Variants in PCLO observed in about 807,000 individuals in gnomAD.
PCLO encodes piccolo presynaptic cytomatrix protein.
Under a neutral mutation model 427.5 loss-of-function variants are expected in PCLO, and 82 were observed. The ratio of observed to expected loss-of-function variants is 0.19; its 90% CI spans 0.16 to 0.23. The LOEUF (loss-of-function observed/expected upper bound fraction) is 0.23. PCLO is among the 10% of genes least tolerant of loss of function. The probability of loss-of-function intolerance (pLI) is 1.00; values close to 1 mark genes in which losing one functional copy is unlikely to be tolerated. For synonymous variants in PCLO, 2,357 were observed against 2,155.4 expected (o/e 1.09, Z -2.59); for missense variants, 6,239 against 6,115.9 (o/e 1.02, Z -0.67).
At chr7:83,004,764 A>G (rs902537346) in intron 3 of PCLO, among the ~76,000 whole-genome samples, 2 of 151,748 alleles carry the variant, frequency 1.3e-5, no homozygotes, top group Admixed American at 1.3e-4. Flanking sequence ...AATATTTGAA[A>G]AACATATATC....
At chr7:82,973,593 T>C (rs905131132) in intron 3 of PCLO, among the ~76,000 whole-genome samples, 1 of 148,532 alleles carries the variant, frequency 6.7e-6, no homozygotes, top group Non-Finnish European at 1.5e-5. Flanking sequence ...TGATTAGTGG[T>C]CATGCCTACC....
rs1392363010 is a variant in PCLO at position 82,847,040 on chromosome 7, A to G, written c.13763+99T>C. On this transcript the variant is annotated intron_variant, in intron 11 of 24. Transcript: ENST00000333891. ...ATTCACTTTATTTTATAATTCCAGA[A>G]AATCTTGCTAACTGGCAAAGGTTCC... The G allele has an allele frequency of 9.5e-6, 6 of 633,760 alleles. No homozygotes were observed. In the Admixed American group the frequency reaches 1.8e-4, roughly 19 times the overall value. 39.3% of individuals were successfully genotyped at this position (633,760 alleles called of 1,614,324 possible). A position where few individuals can be genotyped will look rare whatever the true frequency, so the allele number is the denominator to read the frequency against.
intron 16 of PCLO, among the ~76,000 whole-genome samples, chr7:82,834,016 T>A (rs1351693337): frequency 1.3e-5 from 2 of 152,128 alleles, no homozygotes. Context: ...CTTGTCAATA[T>A]AATTCCCTCT....
chr7:82,973,778 TA>T, intron 3 of PCLO, among the ~76,000 whole-genome samples: 1 of 152,132 alleles, frequency 6.6e-6, no homozygotes, highest in Non-Finnish European at 1.5e-5. Flanking sequence ...TTTCCATAAA[TA>T]GCAACATGCC....
Position 83,155,517 on chromosome 7 carries a change from T to TGATCTGGAGGCTTAGCAGGACCAAGAG in PCLO, c.1123_1124insCTCTTGGTCCTGCTAAGCCTCCAGATC (p.Gln374_Gln375insProLeuGlyProAlaLysProProAsp). 6.2e-7 allele frequency: 1 copy of TGATCTGGAGGCTTAGCAGGACCAAGAG among 1,609,456 alleles called. No homozygotes were observed. The highest frequency in any genetic ancestry group is 8.5e-7 in the Non-Finnish European group (1 of 1,176,736). On this transcript the variant is annotated inframe_insertion, in exon 2 of 25. Coordinates refer to ENST00000333891, the MANE Select transcript of PCLO (RefSeq NM_033026.6). ...CGATGAAGGCTTCTCTGACCCAGTC[T>TGATCTGGAGGCTTAGCAGGACCAAGAG]GCTGAGCTGGAGGCTTAGCAGGACC...
chr7:83,128,655 G>A (rs1362837810), intron 3 of PCLO, among the ~76,000 whole-genome samples: 2 of 152,050 alleles, frequency 1.3e-5, no homozygotes, highest in African/African-American at 2.4e-5. Flanking sequence ...TCACCACCAC[G>A]ACCAATGAAA....
intron 6 of PCLO, among the ~76,000 whole-genome samples, chr7:82,934,200 C>G (rs7799260): frequency 0.6 from 90,622 of 151,604 alleles, 28,053 homozygotes; most frequent in East Asian, 0.8. Flanking sequence ...TGTTCTCTGT[C>G]ACTCTCATAG....
intron 7 of PCLO, among the ~76,000 whole-genome samples, chr7:82,913,867 A>G (rs1794381458): frequency 6.6e-6 from 1 of 152,066 alleles, no homozygotes; most frequent in South Asian, 2.1e-4. Flanking sequence ...ATGGGATGAT[A>G]CAAAAAACAA....
intron 3 of PCLO, among the ~76,000 whole-genome samples, chr7:83,007,030 C>T (rs1316371344): frequency 6.6e-6 from 1 of 151,416 alleles, no homozygotes; most frequent in Non-Finnish European, 1.5e-5. Flanking sequence ...ATAAACGTCA[C>T]AAGGACAGAG....
intron 6 of PCLO, among the ~76,000 whole-genome samples, chr7:82,928,178 T>G (rs1794757473): frequency 6.6e-6 from 1 of 152,170 alleles, no homozygotes; most frequent in African/African-American, 2.4e-5. Context: ...TAATTGTTCT[T>G]TTAACTGATG....
intron 22 of PCLO, among the ~76,000 whole-genome samples, chr7:82,773,592 A>C (rs1302649382): frequency 6.6e-6 from 1 of 152,126 alleles, no homozygotes; most frequent in Non-Finnish European, 1.5e-5. Flanking sequence ...TTACTGTTCC[A>C]TTCTATAAAA....
intron 3 of PCLO, among the ~76,000 whole-genome samples, chr7:83,083,789 T>C (rs1790162354): frequency 6.6e-6 from 1 of 152,124 alleles, no homozygotes; most frequent in Non-Finnish European, 1.5e-5. Context: ...CACTCAAACA[T>C]ATTTGCAACT....
intron 10 of PCLO, among the ~76,000 whole-genome samples, chr7:82,866,645 T>G (rs1192033679): frequency 7.6e-6 from 1 of 131,050 alleles, no homozygotes; most frequent in African/African-American, 3.0e-5. Flanking sequence ...CTACTCTCAA[T>G]GAAATTTTAT....
chr7:83,085,613 T>A (rs934636166), intron 3 of PCLO, among the ~76,000 whole-genome samples: 3 of 152,160 alleles, frequency 2.0e-5, no homozygotes, highest in Non-Finnish European at 4.4e-5. Context: ...ACTTGTTGGA[T>A]GAATTTCCAC....
At chr7:82,995,980 C>A (rs2115874156) in intron 3 of PCLO, among the ~76,000 whole-genome samples, 1 of 151,942 alleles carries the variant, frequency 6.6e-6, no homozygotes, top group African/African-American at 2.4e-5. Flanking sequence ...GGGAGAGGTA[C>A]TGGATAATTC....
At chr7:82,931,727 CA>C (rs1466448034) in intron 6 of PCLO, among the ~76,000 whole-genome samples, 3 of 152,054 alleles carry the variant, frequency 2.0e-5, no homozygotes, top group Non-Finnish European at 2.9e-5. Context: ...ACAGTGCAAG[CA>C]AGATGGGAGC....
intron 3 of PCLO, among the ~76,000 whole-genome samples, chr7:83,075,495 G>T (rs1443469691): frequency 6.6e-6 from 1 of 152,130 alleles, no homozygotes; most frequent in African/African-American, 2.4e-5. Context: ...CTGCAGTAAA[G>T]ATAGTAAACA....
intron 6 of PCLO, among the ~76,000 whole-genome samples, chr7:82,944,789 A>G (rs560254005): frequency 6.6e-6 from 1 of 152,318 alleles, no homozygotes; most frequent in Admixed American, 6.5e-5. Context: ...TCTGAGAAAA[A>G]GAGAATCCAC....
chr7:82,965,755 G>T lies in PCLO; in HGVS notation c.4017+16C>A. ...TCACACATGAGAGTGTGAGAAGTTA[G>T]TAAAATTTAACTTACTGTTTTTTCT... is the stretch of plus-strand genomic sequence containing the variant. On this transcript the variant is annotated intron_variant, in intron 4 of 24. Coordinates refer to ENST00000333891, the MANE Select transcript of PCLO (RefSeq NM_033026.6). The T allele has an allele frequency of 6.5e-7, 1 of 1,545,044 alleles. No homozygotes were observed. Among genetic ancestry groups the T allele is most frequent in the Non-Finnish European group, 8.8e-7 (1 of 1,139,274 alleles).
Sources: gnomAD v4.1 joint callset for allele counts (sites outside exome capture counted in the v4.1 genomes callset) on GRCh38, gnomAD v4.1.1 for gene constraint, MANE v1.5 for transcripts, NCBI Gene and HGNC (gene_info 2026-07-23, HGNC 2026-07-21) for gene names.